Variants in C8orf34 observed in about 807,000 individuals in gnomAD.
The protein encoded by C8orf34 is uncharacterized protein C8orf34.
C8orf34 carries 65 observed loss-of-function variants against 68.3 expected under a neutral mutation model. The ratio of observed to expected loss-of-function variants is 0.95; its 90% CI spans 0.78 to 1.17. C8orf34 has a LOEUF of 1.17. Ranked by LOEUF, C8orf34 falls within the 50% of genes most tolerant of loss-of-function variation. The pLI, the probability that C8orf34 is intolerant of heterozygous loss-of-function variation, is 0.00. For missense variants in C8orf34, 664 were observed against 655.4 expected (o/e 1.01, Z -0.14); for synonymous variants, 244 against 241.2 (o/e 1.01, Z -0.11).
chr8:68,695,330 G>T (rs1194122844), intron 8 of C8orf34, among the ~76,000 whole-genome samples: 2 of 151,942 alleles, frequency 1.3e-5, no homozygotes, highest in Non-Finnish European at 2.9e-5. Context: ...TGTATTTTTA[G>T]TAGAGACAGG....
intron 7 of C8orf34, among the ~76,000 whole-genome samples, chr8:68,557,153 A>T (rs1000556155): frequency 6.6e-6 from 1 of 152,164 alleles, no homozygotes; most frequent in African/African-American, 2.4e-5. Flanking sequence ...TTCAGACTAC[A>T]TTATTTTCCT....
intron 1 of C8orf34, among the ~76,000 whole-genome samples, chr8:68,418,155 A>G (rs1809762672): frequency 1.4e-5 from 2 of 146,222 alleles, no homozygotes; most frequent in South Asian, 4.5e-4. Context: ...GTATCCTGAG[A>G]CTTTGCTGAA....
intron 1 of C8orf34, among the ~76,000 whole-genome samples, chr8:68,360,957 G>A (rs1410519375): frequency 6.6e-6 from 1 of 151,930 alleles, no homozygotes. Flanking sequence ...GTTTCACCAT[G>A]TTGGCCAGGC....
At chr8:68,744,902 C>T (rs963395142) in intron 10 of C8orf34, among the ~76,000 whole-genome samples, 32 of 152,118 alleles carry the variant, frequency 2.1e-4, no homozygotes, top group Non-Finnish European at 4.1e-4. Flanking sequence ...AGATACTCCT[C>T]GAGAAGAGCA....
At chr8:68,395,359 TCTCACACACACACA>T (rs1358294079) in intron 1 of C8orf34, among the ~76,000 whole-genome samples, 4 of 8,912 alleles carry the variant, frequency 4.5e-4, no homozygotes, top group African/African-American at 8.1e-4. Flanking sequence ...TCTGTGTGTC[TCTCACACACACACA>T]CACACACACA....
intron 7 of C8orf34, among the ~76,000 whole-genome samples, chr8:68,572,108 G>A (rs1437222227): frequency 6.6e-6 from 1 of 151,940 alleles, no homozygotes; most frequent in Non-Finnish European, 1.5e-5. Context: ...TAATATTTGT[G>A]TATCTAAACA....
At chr8:68,383,252 A>C (rs759361748) in intron 1 of C8orf34, among the ~76,000 whole-genome samples, 10 of 152,184 alleles carry the variant, frequency 6.6e-5, no homozygotes, top group Non-Finnish European at 1.2e-4. Flanking sequence ...AATTTACTTC[A>C]ACTGTACGAT....
rs566438333 is a variant in C8orf34, at chr8:68,466,738, C to CATATATATATATATGTGT, written c.608-1940_608-1939insGTGTATATATATATATAT. On this transcript the variant is annotated intron_variant, in intron 3 of 13. Transcript: ENST00000518698. ...TTCTGTGAAAATAAACAACGTTGTA[C>CATATATATATATATGTGT]ATATATATATATATATATATATATA... 1.4e-3 allele frequency among the ~76,000 whole-genome samples: 172 copies of CATATATATATATATGTGT among 120,628 alleles called. 3 individuals are homozygous for CATATATATATATATGTGT. Among genetic ancestry groups the CATATATATATATATGTGT allele is most frequent in the African/African-American group, 6.1e-3 (165 of 27,196 alleles). 79.1% of individuals were successfully genotyped at this position (120,628 alleles called of 152,430 possible).
At chr8:68,582,797 A>G (rs577844678) in intron 7 of C8orf34, among the ~76,000 whole-genome samples, 53 of 152,234 alleles carry the variant, frequency 3.5e-4, no homozygotes, top group African/African-American at 9.9e-4. Context: ...ATTAACATGC[A>G]TGTCACATAC....
intron 8 of C8orf34, among the ~76,000 whole-genome samples, chr8:68,688,088 C>T (rs898416894): frequency 6.6e-6 from 1 of 152,048 alleles, no homozygotes; most frequent in Non-Finnish European, 1.5e-5. Flanking sequence ...CACCACCTTA[C>T]TCCTGCAAGA....
rs1215911502 is a variant in C8orf34, at chr8:68,796,835, T to G, written c.1549+9299T>G. Among the ~76,000 whole-genome samples the G allele has an allele frequency of 2.0e-5, 3 of 149,806 alleles. No individual in the cohort carries two copies. The East Asian group carries it at 5.9e-4, about 29-fold the overall frequency. On this transcript the variant is annotated intron_variant, in intron 12 of 13. Coordinates refer to ENST00000518698, the MANE Select transcript of C8orf34 (RefSeq NM_052958.4). ...ATTTGAGTTCTTCTTTTTTTTTTTT[T>G]TTTTTTTTTGAGACAGTGTCTTGCT...
intron 7 of C8orf34, among the ~76,000 whole-genome samples, chr8:68,639,301 G>A (rs886882277): frequency 6.6e-6 from 1 of 152,088 alleles, no homozygotes; most frequent in African/African-American, 2.4e-5. Flanking sequence ...TGTACAAGTG[G>A]ACAACAAGGC....
intron 7 of C8orf34, among the ~76,000 whole-genome samples, chr8:68,604,205 G>A (rs1817786571): frequency 6.6e-6 from 1 of 151,894 alleles, no homozygotes. Flanking sequence ...ATGAAGAAGA[G>A]ACCAGAAACA....
At chr8:68,656,622 G>T (rs749388358) in intron 8 of C8orf34, among the ~76,000 whole-genome samples, 3 of 152,114 alleles carry the variant, frequency 2.0e-5, no homozygotes, top group Non-Finnish European at 4.4e-5. Flanking sequence ...ATAAGCATAA[G>T]TCCTTTCTTA....
rs1198255967 is a variant in C8orf34, at chr8:68,643,468, G to A, written c.1241+2957G>A. Among the ~76,000 whole-genome samples, 4 of 152,084 alleles carry A rather than the reference G, an allele frequency of 2.6e-5. No individual in the cohort carries two copies. The East Asian group carries it at 7.7e-4, about 29-fold the overall frequency. ...ATTTGGGATGCTATAAAATAACACA[G>A]AAATACCAAAAACTGTGTCTTATAA... On this transcript the variant is annotated intron_variant, in intron 8 of 13. Coordinates refer to ENST00000518698, the MANE Select transcript of C8orf34 (RefSeq NM_052958.4).
At chr8:68,752,387 C>T (rs1000646319) in intron 10 of C8orf34, among the ~76,000 whole-genome samples, 2 of 152,180 alleles carry the variant, frequency 1.3e-5, no homozygotes, top group Admixed American at 1.3e-4. Context: ...TGACCTGGTT[C>T]TACTGTGCTG....
intron 8 of C8orf34, among the ~76,000 whole-genome samples, chr8:68,681,892 G>A (rs1820381512): frequency 6.6e-6 from 1 of 152,158 alleles, no homozygotes; most frequent in Non-Finnish European, 1.5e-5. Context: ...AGGTCACTAT[G>A]TTAAGTGAGA....
At chr8:68,718,745 G>C (rs1279178080) in intron 9 of C8orf34, among the ~76,000 whole-genome samples, 2 of 152,100 alleles carry the variant, frequency 1.3e-5, no homozygotes, top group Non-Finnish European at 2.9e-5. Context: ...AAAAAAGTTG[G>C]ATGTAGCTAA....
intron 8 of C8orf34, among the ~76,000 whole-genome samples, chr8:68,677,762 T>C (rs1820238537): frequency 6.6e-6 from 1 of 151,580 alleles, no homozygotes; most frequent in Admixed American, 6.6e-5. Flanking sequence ...GAAATTGAAA[T>C]GAAGAAAATA....
Sources: allele counts gnomAD v4.1 joint callset (sites outside exome capture counted in the v4.1 genomes callset), GRCh38; gene constraint gnomAD v4.1.1; transcripts MANE v1.5; gene names NCBI Gene and HGNC (gene_info 2026-07-23, HGNC 2026-07-21).